NDUFA10: variants seen among roughly 807,000 people sequenced by gnomAD.
The protein encoded by NDUFA10 is NADH:ubiquinone oxidoreductase subunit A10.
A neutral mutation model predicts 47.8 loss-of-function variants in NDUFA10; 40 were observed. That is an observed-to-expected ratio of 0.84 (90% CI 0.65 to 1.09). The LOEUF is 1.09. NDUFA10 is among the 50% of genes least tolerant of loss of function. The probability of loss-of-function intolerance (pLI) is 0.00; values close to 1 mark genes in which losing one functional copy is unlikely to be tolerated. For synonymous variants in NDUFA10, 183 were observed against 172.2 expected (o/e 1.06, Z -0.49); for missense variants, 413 against 451.1 (o/e 0.92, Z 0.76).
intron 6 of NDUFA10, among the ~76,000 whole-genome samples, 170 bp from the exon 7 acceptor site, chr2:240,007,540 G>C (rs181464151): frequency 4.1e-4 from 63 of 152,314 alleles, no homozygotes; most frequent in African/African-American, 1.5e-3. Context: ...ACTGGTTCAG[G>C]AGGACATGTT....
chr2:239,937,964 C>A (rs1694293231), intron 4 of NDUFA10, among the ~76,000 whole-genome samples: 1 of 152,210 alleles, frequency 6.6e-6, no homozygotes, highest in Non-Finnish European at 1.5e-5. Context: ...GCTGGGGCCA[C>A]CGAGCCATGG....
At chr2:239,965,305 G>C (rs112665124) in intron 9 of NDUFA10, among the ~76,000 whole-genome samples, 141 of 147,844 alleles carry the variant, frequency 9.5e-4, no homozygotes, top group Middle Eastern at 3.4e-3. Flanking sequence ...AGAACCATGC[G>C]GGGGGGGAGG....
chr2:239,915,803 CAGAG>C (rs539540650), intron 4 of NDUFA10, among the ~76,000 whole-genome samples: 50 of 151,322 alleles, frequency 3.3e-4, no homozygotes, highest in Non-Finnish European at 6.3e-4. Flanking sequence ...TAAATACAGA[CAGAG>C]AGACACACAG....
exon 5 of NDUFA10, chr2:239,895,287 C>T: frequency 4.3e-6 from 2 of 469,042 alleles, no homozygotes; most frequent in South Asian, 1.6e-5. Context: ...AGTAGGCTGA[C>T]CCATCTGTGC....
intron 9 of NDUFA10, chr2:239,982,239 A>G: frequency 1.2e-6 from 2 of 1,612,322 alleles, no homozygotes; most frequent in Non-Finnish European, 1.7e-6. Flanking sequence ...TAGACGAAAC[A>G]ATTCTGTTCA....
chr2:239,982,959 G>T (rs11675781), intron 9 of NDUFA10, among the ~76,000 whole-genome samples: 17,942 of 152,172 alleles, frequency 0.12, 1,232 homozygotes, highest in South Asian at 0.15. Context: ...CCTTTTGTTA[G>T]AAATAAAAAC....
At position 239,945,634 on chromosome 2, in the gene NDUFA10, G is replaced by A. The variant is rs1694439549; in HGVS notation, c.294+44440C>T. On this transcript the variant is annotated intron_variant, in intron 4 of 5. Transcript: ENST00000419408. The surrounding 1 kb of genome is among the most constrained non-coding windows in gnomAD (Gnocchi z 4.6). ...GGTCCTTCATGAACAGTTTTCTCACGGAATGGATCGATTGGCCCTGGGATG... is the reference window on the plus strand; with the variant it reads ...GGTCCTTCATGAACAGTTTTCTCACAGAATGGATCGATTGGCCCTGGGATG... Among the ~76,000 whole-genome samples the A allele has an allele frequency of 1.3e-5, 2 of 152,220 alleles. No homozygotes were observed. The highest frequency in any genetic ancestry group is 6.5e-5 in the Admixed American group (1 of 15,284).
intron 4 of NDUFA10, among the ~76,000 whole-genome samples, chr2:239,914,500 CACAA>C (rs1336674042): frequency 7.4e-5 from 11 of 147,920 alleles, no homozygotes; most frequent in South Asian, 6.4e-4. Context: ...CACAGAGATA[CACAA>C]ACATACACAC....
intron 4 of NDUFA10, among the ~76,000 whole-genome samples, chr2:239,902,428 G>A (rs1269979148): frequency 1.3e-5 from 2 of 152,188 alleles, no homozygotes; most frequent in African/African-American, 4.8e-5. Context: ...TATTTTTAAG[G>A]TGAGGTATGC....
chr2:239,992,375 A>C (rs1696285580), intron 8 of NDUFA10, among the ~76,000 whole-genome samples: 1 of 152,254 alleles, frequency 6.6e-6, no homozygotes, highest in Non-Finnish European at 1.5e-5. Flanking sequence ...ATAAAATTGT[A>C]AATAGTGTTT....
chr2:240,004,265 C>T (rs1392701516), intron 8 of NDUFA10, among the ~76,000 whole-genome samples: 1 of 152,130 alleles, frequency 6.6e-6, no homozygotes, highest in Non-Finnish European at 1.5e-5. Context: ...ATGGCGAGGC[C>T]GTCTCCTTGG....
chr2:239,938,023 G>A lies in NDUFA10; in HGVS notation c.295-42709C>T, dbSNP rs1375757934. Among the ~76,000 whole-genome samples the A allele has an allele frequency of 3.9e-5, 6 of 152,016 alleles. No individual in the cohort carries two copies. The South Asian group carries it at 6.2e-4, about 16-fold the overall frequency. On this transcript the variant is annotated intron_variant, in intron 4 of 5. Coordinates refer to the NDUFA10 transcript ENST00000419408. ...CAAATACTCACTGCTGTGCTTCTGC[G>A]GCTCTGTTTGGTTGGTGGCCTTTTC...
rs1179741461 is a variant in NDUFA10 at position 239,984,245 on chromosome 2, A to G, written c.999+5829T>C. ...GACAATCGGTTTCCAAAAAAAAAAAACAAAAAACAAAAACCCAGTAAGTAT... is the reference window on the plus strand; with the variant it reads ...GACAATCGGTTTCCAAAAAAAAAAAGCAAAAAACAAAAACCCAGTAAGTAT... On this transcript the variant is annotated intron_variant, in intron 9 of 9. Transcript: ENST00000252711. Among the ~76,000 whole-genome samples, 5 of 146,902 alleles carry G rather than the reference A, an allele frequency of 3.4e-5. 1 individual carries two copies. The South Asian group carries it at 1.1e-3, about 31-fold the overall frequency.
At chr2:240,005,144 C>T in intron 8 of NDUFA10, 66 bp downstream of exon 8, 3 of 1,359,490 alleles carry the variant, frequency 2.2e-6, no homozygotes, top group South Asian at 2.3e-5. Context: ...TTTCAAACTT[C>T]CCTAAGTTTC....
In NDUFA10 at chr2:239,987,820, C is replaced by T. The variant is rs760016666; in HGVS notation, c.999+2254G>A. Among the ~76,000 whole-genome samples, 3 of 152,102 alleles carry T rather than the reference C, an allele frequency of 2.0e-5. No homozygotes were observed. Among genetic ancestry groups the T allele is most frequent in the Admixed American group, 6.5e-5 (1 of 15,276 alleles). ...AACACGTATGGAGAATTAAGACGAC[C>T]GAGATCATGCAAAACATGCGAGTGG... On this transcript the variant is annotated intron_variant, in intron 9 of 9. Coordinates refer to ENST00000252711, the MANE Select transcript of NDUFA10 (RefSeq NM_004544.4). The surrounding 1 kb of genome is among the most constrained non-coding windows in gnomAD (Gnocchi z 4.8).
chr2:240,000,851 A>T (rs146009853), intron 8 of NDUFA10, among the ~76,000 whole-genome samples: 186 of 152,358 alleles, frequency 1.2e-3, no homozygotes, highest in Non-Finnish European at 2.0e-3. Context: ...GCTCCACCAC[A>T]CCACCTAGGT....
intron 4 of NDUFA10, among the ~76,000 whole-genome samples, chr2:239,939,559 T>C (rs1336545701): frequency 6.6e-6 from 1 of 152,234 alleles, no homozygotes; most frequent in Non-Finnish European, 1.5e-5. Context: ...GGGATAAAGA[T>C]TATACAAGTT....
intron 4 of NDUFA10, among the ~76,000 whole-genome samples, chr2:239,933,246 C>T (rs1020344208): frequency 2.0e-5 from 3 of 152,196 alleles, no homozygotes; most frequent in African/African-American, 7.2e-5. Context: ...CCACCCAGGC[C>T]ATATCCCTCC....
At chr2:239,920,722 C>A (rs190472255) in intron 4 of NDUFA10, among the ~76,000 whole-genome samples, 1 of 152,152 alleles carries the variant, frequency 6.6e-6, no homozygotes, top group South Asian at 2.1e-4. Flanking sequence ...AGGCCTTTTG[C>A]GTGACGGCGA....
Sources: allele counts gnomAD v4.1 joint callset (sites outside exome capture counted in the v4.1 genomes callset), GRCh38; gene constraint gnomAD v4.1.1; non-coding constraint Gnocchi (gnomAD v3.1); transcripts MANE v1.5; gene names NCBI Gene and HGNC (gene_info 2026-07-23, HGNC 2026-07-21).